Variants in TSHZ2 observed in about 807,000 individuals in gnomAD.
TSHZ2 encodes the protein teashirt zinc finger homeobox 2, also known as teashirt homolog 2.
In TSHZ2, 21 loss-of-function variants were observed where a neutral mutation model predicts 74.4. The ratio of observed to expected loss-of-function variants is 0.28; its 90% CI spans 0.20 to 0.41. The LOEUF is 0.41. TSHZ2 is among the 10% of genes least tolerant of loss of function. The pLI, the probability that TSHZ2 is intolerant of heterozygous loss-of-function variation, is 1.00. For synonymous variants in TSHZ2, 540 were observed against 515.3 expected (o/e 1.05, Z -0.65); for missense variants, 1,244 against 1,293.5 (o/e 0.96, Z 0.59).
At chr20:53,467,797 A>C (rs969449792) in intron 2 of TSHZ2, among the ~76,000 whole-genome samples, 27 of 152,200 alleles carry the variant, frequency 1.8e-4, no homozygotes, top group Admixed American at 1.7e-3. Context: ...TAGTGAAAGC[A>C]AGAATGCAAA....
At chr20:53,310,466 C>A (rs1178384002) in intron 2 of TSHZ2, among the ~76,000 whole-genome samples, 1 of 152,232 alleles carries the variant, frequency 6.6e-6, no homozygotes, top group East Asian at 1.9e-4. Context: ...TTCACAGTTT[C>A]TGTGCATAAG....
chr20:53,362,402 T>C (rs570877902), intron 2 of TSHZ2, among the ~76,000 whole-genome samples: 1 of 149,112 alleles, frequency 6.7e-6, no homozygotes, highest in South Asian at 2.1e-4. Context: ...GCCAGGATGG[T>C]CTCAATCTCC....
chr20:53,194,428 G>A (rs761248356), intron 1 of TSHZ2, among the ~76,000 whole-genome samples: 5 of 152,144 alleles, frequency 3.3e-5, no homozygotes, highest in Admixed American at 6.5e-5. Context: ...ATGCCACTGC[G>A]TTTTCTTTCT....
intron 1 of TSHZ2, among the ~76,000 whole-genome samples, chr20:53,222,415 G>A (rs947784970): frequency 1.3e-5 from 2 of 152,142 alleles, no homozygotes; most frequent in East Asian, 1.9e-4. Flanking sequence ...CCAGTTAATC[G>A]ACAAAGATTT....
intron 1 of TSHZ2, among the ~76,000 whole-genome samples, chr20:53,010,385 G>T (rs1982805747): frequency 6.6e-6 from 1 of 151,556 alleles, no homozygotes; most frequent in African/African-American, 2.4e-5. Flanking sequence ...ACTCCTAAAG[G>T]AAGCAAAGCA....
intron 1 of TSHZ2, among the ~76,000 whole-genome samples, chr20:53,216,965 A>G (rs758931409): frequency 6.6e-6 from 1 of 152,158 alleles, no homozygotes; most frequent in African/African-American, 2.4e-5. Flanking sequence ...GAAACGGCCC[A>G]TCCCCAGTTT....
intron 2 of TSHZ2, among the ~76,000 whole-genome samples, chr20:53,468,765 G>A (rs1985642367): frequency 6.7e-6 from 1 of 148,994 alleles, no homozygotes; most frequent in Non-Finnish European, 1.5e-5. Flanking sequence ...TCTGGTTTGT[G>A]TCATGAAACA....
Position 53,254,843 on chromosome 20 carries a change from A to G in TSHZ2, c.1385A>G (p.Lys462Arg). 1 of 1,614,108 alleles carries G rather than the reference A, an allele frequency of 6.2e-7. No individual in the cohort carries two copies. Among genetic ancestry groups the G allele is most frequent in the South Asian group, 1.1e-5 (1 of 91,062 alleles). Residue 462 changes from lysine (K) to arginine (R), a missense_variant, in exon 2 of 3, where the codon AAA becomes AGA. Around this residue, in one of 6 missense-constraint regions of TSHZ2, gnomAD observed 562 missense variants for 544.0 expected, o/e 1.03. Transcript: ENST00000371497. ...DCTASTTELK[K>R]ESKKERPEET... ...ACAGCCTCTACAACTGAGTTAAAGA[A>G]AGAGAGTAAAAAAGAAAGGCCAGAG... is the stretch of plus-strand genomic sequence containing the variant.
At chr20:53,279,087 A>C (rs1424298214) in intron 2 of TSHZ2, among the ~76,000 whole-genome samples, 1 of 152,208 alleles carries the variant, frequency 6.6e-6, no homozygotes, top group Admixed American at 6.5e-5. Context: ...CATATTAACT[A>C]TTAAGTGAAA....
chr20:53,238,669 T>C (rs965931244), intron 1 of TSHZ2, among the ~76,000 whole-genome samples: 6 of 151,890 alleles, frequency 4.0e-5, no homozygotes, highest in African/African-American at 1.5e-4. Flanking sequence ...GTCTATATTG[T>C]TTTTGCTGGA....
At chr20:53,249,432 G>A (rs559276038) in intron 1 of TSHZ2, among the ~76,000 whole-genome samples, 31 of 152,306 alleles carry the variant, frequency 2.0e-4, no homozygotes, top group Admixed American at 3.9e-4. Flanking sequence ...AGTAGAAGAA[G>A]ACATCAATCA....
chr20:53,257,655 C>T lies in TSHZ2; in HGVS notation c.*8+1084C>T, dbSNP rs568773502. On this transcript the variant is annotated intron_variant, in intron 2 of 2. Coordinates refer to ENST00000371497, the MANE Select transcript of TSHZ2 (RefSeq NM_173485.6). ...TTTCTCTCCCTTCCAGCATGATGCC[C>T]GCATACACTAAGGGCCCTCCTATGT... Among the ~76,000 whole-genome samples the T allele has an allele frequency of 9.8e-4, 149 of 152,270 alleles. 1 individual carries two copies. Among genetic ancestry groups the T allele is most frequent in the African/African-American group, 3.4e-3 (140 of 41,544 alleles).
chr20:53,212,689 A>T (rs1989341257), intron 1 of TSHZ2, among the ~76,000 whole-genome samples: 1 of 152,194 alleles, frequency 6.6e-6, no homozygotes, highest in African/African-American at 2.4e-5. Context: ...TGGATTCAGA[A>T]GTCAACCCAC....
chr20:53,006,490 G>C (rs544388329), intron 1 of TSHZ2, among the ~76,000 whole-genome samples: 1 of 152,336 alleles, frequency 6.6e-6, no homozygotes, highest in Admixed American at 6.5e-5. Flanking sequence ...CCAATAGGGA[G>C]TGGTGAGGAC....
intron 1 of TSHZ2, among the ~76,000 whole-genome samples, chr20:53,022,303 G>A (rs189460746): frequency 3.9e-5 from 6 of 152,310 alleles, no homozygotes; most frequent in Admixed American, 3.9e-4. Flanking sequence ...CAGATCTCCG[G>A]TGTTAACCGT....
At chr20:53,131,192 A>C (rs1440115146) in intron 1 of TSHZ2, among the ~76,000 whole-genome samples, 2 of 152,224 alleles carry the variant, frequency 1.3e-5, no homozygotes, top group Non-Finnish European at 2.9e-5. Flanking sequence ...AAACACAAGA[A>C]AGTCACCAGG....
chr20:52,977,766 A>G (rs1378870687), intron 1 of TSHZ2, among the ~76,000 whole-genome samples: 1 of 152,208 alleles, frequency 6.6e-6, no homozygotes, highest in Non-Finnish European at 1.5e-5. Context: ...AGGACACAAT[A>G]CGTTAACCCT....
intron 2 of TSHZ2, among the ~76,000 whole-genome samples, chr20:53,272,358 C>T (rs1166019448): frequency 6.6e-6 from 1 of 152,048 alleles, no homozygotes; most frequent in East Asian, 1.9e-4. Context: ...GATACAAGGT[C>T]GACCTCCACC....
intron 2 of TSHZ2, among the ~76,000 whole-genome samples, chr20:53,462,069 T>C (rs894012538): frequency 4.7e-5 from 7 of 148,988 alleles, no homozygotes; most frequent in African/African-American, 1.7e-4. Flanking sequence ...CTGTCTCTAC[T>C]AAAAATACAA....
Sources: allele counts gnomAD v4.1 joint callset (sites outside exome capture counted in the v4.1 genomes callset), GRCh38; gene constraint gnomAD v4.1.1; regional missense constraint gnomAD v4.1.1; transcripts MANE v1.5; gene names NCBI Gene and HGNC (gene_info 2026-07-23, HGNC 2026-07-21).